Variants in FRYL observed in about 807,000 individuals in gnomAD.
FRYL encodes protein furry homolog-like.
Under a neutral mutation model 351.2 loss-of-function variants are expected in FRYL, and 150 were observed. The observed-to-expected ratio is 0.43, with a 90% CI of 0.37 to 0.49. The LOEUF (loss-of-function observed/expected upper bound fraction) is 0.49, where lower values mean the gene tolerates loss of function less well. FRYL is among the 20% of genes least tolerant of loss of function. FRYL has a pLI of 0.00. For missense variants in FRYL, 3,036 were observed against 3,619.3 expected, an observed-to-expected ratio of 0.84 and a Z score of 4.13; for synonymous variants, 1,153 against 1,257.1, an observed-to-expected ratio of 0.92 and a Z score of 1.75.
Position 48,595,689 on chromosome 4 carries a change from C to T in FRYL, c.1149G>A (p.Met383Ile). The T allele has an allele frequency of 1.2e-6, 2 of 1,606,366 alleles. No homozygotes were observed. The highest frequency in any genetic ancestry group is 2.2e-5 in the East Asian group (1 of 44,790). The change falls in exon 15 of 64, where the codon ATG (methionine) becomes ATA (isoleucine). Residue 383 changes from methionine to isoleucine, a missense_variant. Coordinates refer to ENST00000358350, the MANE Select transcript of FRYL (RefSeq NM_015030.2). ...TTGGAAAAAGTGCTGACACTATGCT[C>T]ATAAGACGACTACAGGGAAAAAGAT... ...ESNTVTQSRL[M>I]SIVSALFPKG...
At chr4:48,687,404 G>C (rs1215199072) in intron 2 of FRYL, among the ~76,000 whole-genome samples, 1 of 149,534 alleles carries the variant, frequency 6.7e-6, no homozygotes, top group Non-Finnish European at 1.5e-5. Flanking sequence ...CCTACAGCCA[G>C]AGTAATAATG....
At position 48,567,888 on chromosome 4, in the gene FRYL, C is replaced by T. The variant is rs1737152852; in HGVS notation, c.2997-468G>A. The stretch of plus-strand genomic sequence containing the variant: ...TCTGGGATAGGTATTATCAGGGATG[C>T]AAAAATCTAAGAGAATTCTTGTAAG... On this transcript the variant is annotated intron_variant, in intron 27 of 63. Coordinates refer to ENST00000358350, the MANE Select transcript of FRYL (RefSeq NM_015030.2). This position sits in a 1 kb window ranked among gnomAD's most constrained non-coding sequence, Gnocchi z 4.2. 6.6e-6 allele frequency among the ~76,000 whole-genome samples: 1 copy of T among 152,138 alleles called. No individual in the cohort carries two copies. The highest frequency in any genetic ancestry group is 2.4e-5 in the African/African-American group (1 of 41,424).
chr4:48,666,383 G>GTAAATAAA (rs140443013), intron 3 of FRYL, among the ~76,000 whole-genome samples: 56 of 150,130 alleles, frequency 3.7e-4, no homozygotes, highest in Middle Eastern at 3.4e-3. Context: ...TAAATAAAAA[G>GTAAATAAA]TAAATAAATA....
intron 3 of FRYL, among the ~76,000 whole-genome samples, chr4:48,674,175 C>T (rs547228533): frequency 1.1e-4 from 17 of 152,140 alleles, no homozygotes; most frequent in South Asian, 2.1e-4. Context: ...TAACCCAATC[C>T]GAGACATAGA....
At chr4:48,683,929 C>T (rs78151984) in intron 3 of FRYL, among the ~76,000 whole-genome samples, 3,306 of 152,194 alleles carry the variant, frequency 0.022, 121 homozygotes, top group African/African-American at 0.075. Context: ...GTGGTTTTCC[C>T]CAGGTCCCTC....
At chr4:48,641,609 G>A (rs565776931) in intron 3 of FRYL, among the ~76,000 whole-genome samples, 16 of 152,144 alleles carry the variant, frequency 1.1e-4, no homozygotes, top group Non-Finnish European at 1.9e-4. Flanking sequence ...TAATTATAGC[G>A]CATTTATGAT....
intron 26 of FRYL, among the ~76,000 whole-genome samples, chr4:48,572,624 C>T (rs1218057712): frequency 6.6e-6 from 1 of 152,164 alleles, no homozygotes; most frequent in Admixed American, 6.6e-5. Context: ...AGAATCTCTT[C>T]TCTATGATTT....
intron 2 of FRYL, among the ~76,000 whole-genome samples, chr4:48,686,642 G>A (rs1047359928): frequency 1.3e-5 from 2 of 152,190 alleles, no homozygotes; most frequent in Non-Finnish European, 2.9e-5. Context: ...GTCACTACTG[G>A]AAAACAATGC....
intron 55 of FRYL, among the ~76,000 whole-genome samples, chr4:48,515,851 T>A (rs1723478641): frequency 6.6e-6 from 1 of 152,216 alleles, no homozygotes; most frequent in South Asian, 2.1e-4. Context: ...TCTTCTCTCA[T>A]ATATGTTCTA....
At chr4:48,592,437 C>T (rs188321314) in intron 16 of FRYL, among the ~76,000 whole-genome samples, 178 of 151,852 alleles carry the variant, frequency 1.2e-3, no homozygotes, top group African/African-American at 4.0e-3. Flanking sequence ...ACAAAGTAAA[C>T]CTAATAAATA....
chr4:48,610,439 T>C (rs934072675), intron 7 of FRYL, among the ~76,000 whole-genome samples: 2 of 151,736 alleles, frequency 1.3e-5, no homozygotes, highest in Non-Finnish European at 1.5e-5. Context: ...CCTTCCAGAC[T>C]TTTTCCTACA....
Position 48,720,019 on chromosome 4 carries a change from G to A in FRYL, c.-383-9321C>T, listed in dbSNP as rs1465851252. 6.6e-5 allele frequency among the ~76,000 whole-genome samples: 10 copies of A among 150,486 alleles called. 1 individual carries two copies. In the South Asian group the frequency reaches 1.1e-3, roughly 16 times the overall value. Reference sequence around the variant, plus strand: ...ACAAAAATTAGCTGGGTGTGGTGGCGTGCACCTGTAATCCCAGCTACTTGG... The same window carrying A: ...ACAAAAATTAGCTGGGTGTGGTGGCATGCACCTGTAATCCCAGCTACTTGG... On this transcript the variant is annotated intron_variant, in intron 1 of 63. Coordinates refer to ENST00000358350, the MANE Select transcript of FRYL (RefSeq NM_015030.2).
intron 22 of FRYL, 67 bp from the exon 23 acceptor site, chr4:48,579,308 G>T: frequency 2.3e-6 from 3 of 1,322,408 alleles, no homozygotes; most frequent in African/African-American, 1.5e-5. Context: ...CATATAAATT[G>T]CTTTAAACTG....
intron 12 of FRYL, among the ~76,000 whole-genome samples, chr4:48,602,587 A>T (rs529039361): frequency 5.8e-4 from 89 of 152,160 alleles, no homozygotes; most frequent in Non-Finnish European, 1.2e-3. Flanking sequence ...AAAAAAGTAC[A>T]AAGTACTTAG....
At chr4:48,758,776 G>GCT (rs1313616113) in intron 1 of FRYL, among the ~76,000 whole-genome samples, 2 of 152,182 alleles carry the variant, frequency 1.3e-5, no homozygotes, top group African/African-American at 4.8e-5. Context: ...AAAGACACAT[G>GCT]AACACGTATG....
intron 3 of FRYL, among the ~76,000 whole-genome samples, chr4:48,650,645 C>T (rs1430816635): frequency 6.6e-5 from 10 of 152,204 alleles, no homozygotes; most frequent in South Asian, 6.2e-4. Flanking sequence ...ATGGCGAGAA[C>T]GGCAACAGGC....
At position 48,756,837 on chromosome 4, in the gene FRYL, A is replaced by G. The variant is rs181864726; in HGVS notation, c.-384+23241T>C. 8.4e-4 allele frequency among the ~76,000 whole-genome samples: 128 copies of G among 152,278 alleles called. No homozygotes were observed. The East Asian group carries it at 0.021, about 25-fold the overall frequency. On this transcript the variant is annotated intron_variant, in intron 1 of 63. Transcript: ENST00000358350. ...GTGGCACACGCCTGTAGTCCAAGCT[A>G]CTTGGGAGGCTGAAGTGGGAGGACT...
At chr4:48,730,260 T>C (rs1303056774) in intron 1 of FRYL, among the ~76,000 whole-genome samples, 8 of 152,134 alleles carry the variant, frequency 5.3e-5, no homozygotes, top group Non-Finnish European at 1.2e-4. Flanking sequence ...CTGCATTTGA[T>C]TGGTGTATCT....
Position 48,499,275 on chromosome 4 carries a change from T to A in FRYL, c.*147A>T, listed in dbSNP as rs1013520998. 23 of 674,342 alleles carry A rather than the reference T, an allele frequency of 3.4e-5. No homozygotes were observed. The highest frequency in any genetic ancestry group is 5.8e-5 in the Non-Finnish European group (23 of 394,356). The allele number at this position is 674,342 out of a possible 1,614,324, so 41.8% of individuals were successfully genotyped here. A position where few individuals can be genotyped will look rare whatever the true frequency, so the allele number is the denominator to read the frequency against. ...GATGTTTTTTTCTTTCAGATCTTTG[T>A]TTTTGATGATACAGTTTGACATTAG... On this transcript the variant is annotated 3_prime_UTR_variant, in exon 64 of 64. Transcript: ENST00000358350.
Sources: allele counts gnomAD v4.1 joint callset (sites outside exome capture counted in the v4.1 genomes callset), GRCh38; gene constraint gnomAD v4.1.1; non-coding constraint Gnocchi (gnomAD v3.1); transcripts MANE v1.5; gene names NCBI Gene and HGNC (gene_info 2026-07-23, HGNC 2026-07-21).